Variants in BCAR3 observed in about 807,000 individuals in gnomAD.
BCAR3 encodes the protein breast cancer anti-estrogen resistance protein 3.
Under a neutral mutation model 80.1 loss-of-function variants are expected in BCAR3, and 37 were observed. That is an observed-to-expected ratio of 0.46 (90% CI 0.36 to 0.61). BCAR3 has a LOEUF of 0.61. Ranked by LOEUF, BCAR3 falls within the 20% of genes least tolerant of loss-of-function variation. The pLI is 0.00. For missense variants in BCAR3, 978 were observed against 1,068.2 expected (o/e 0.92, Z 1.18); for synonymous variants, 389 against 418.9 (o/e 0.93, Z 0.87).
intron 2 of BCAR3, among the ~76,000 whole-genome samples, chr1:93,821,268 T>C (rs1312154372): frequency 6.6e-6 from 1 of 152,078 alleles, no homozygotes; most frequent in Non-Finnish European, 1.5e-5. Flanking sequence ...GTTCAGAGAT[T>C]AGAGGACAGG....
intron 2 of BCAR3, among the ~76,000 whole-genome samples, chr1:93,712,867 T>C (rs1650072926): frequency 6.6e-6 from 1 of 152,212 alleles, no homozygotes; most frequent in Admixed American, 6.5e-5. Flanking sequence ...TTCACACCCT[T>C]CACTTGTTGC....
chr1:93,592,277 G>A lies in BCAR3; in HGVS notation c.474C>T (p.Arg158=). Residue 158 remains arginine, a synonymous_variant, in exon 4 of 12, where the codon CGC becomes CGT. Coordinates refer to ENST00000260502, the MANE Select transcript of BCAR3 (RefSeq NM_003567.4). The surrounding 1 kb of genome is among the most constrained non-coding windows in gnomAD (Gnocchi z 4.8). The stretch of plus-strand genomic sequence containing the variant: ...CAAGACCAGGTACCTGTCGGGGGAT[G>A]CGGCCGTGGTACCAGGCATGGCTGC... ...DLRSHAWYHG[R]IPRQVSENLV... is the part of the protein sequence containing the mutation. 1 of 1,613,386 alleles carries A rather than the reference G, an allele frequency of 6.2e-7. No individual in the cohort carries two copies. The highest frequency in any genetic ancestry group is 1.1e-5 in the South Asian group (1 of 91,076).
At chr1:93,802,127 C>CAA (rs112615765) in intron 2 of BCAR3, among the ~76,000 whole-genome samples, 6 of 114,404 alleles carry the variant, frequency 5.2e-5, no homozygotes, top group Non-Finnish European at 7.4e-5. Flanking sequence ...GACTCCATCT[C>CAA]AAAAAAAAAA....
At chr1:93,613,214 C>G (rs1675007319) in intron 3 of BCAR3, among the ~76,000 whole-genome samples, 1 of 152,204 alleles carries the variant, frequency 6.6e-6, no homozygotes, top group Non-Finnish European at 1.5e-5. Flanking sequence ...TAGTGCGTCA[C>G]AGGCAGGCAA....
intron 2 of BCAR3, among the ~76,000 whole-genome samples, chr1:93,809,519 G>A (rs1653757989): frequency 1.3e-5 from 2 of 152,084 alleles, no homozygotes; most frequent in Admixed American, 6.5e-5. Flanking sequence ...TGTAATCCCA[G>A]CACTTTGGGA....
chr1:93,564,173 C>T (rs1272039377), intron 11 of BCAR3, among the ~76,000 whole-genome samples: 2 of 152,052 alleles, frequency 1.3e-5, no homozygotes, highest in Admixed American at 6.5e-5. Context: ...TTTATCTTCT[C>T]ACTGAGTTGT....
Position 93,823,048 on chromosome 1 carries a change from G to A in BCAR3, c.-63+22519C>T, listed in dbSNP as rs1654282796. ...CTCCCTGCTGTAGATGCACAGGGAG[G>A]AGTGTCTCTCCTCCTGCTGAGTGCT... On this transcript the variant is annotated intron_variant, in intron 2 of 13. Transcript: ENST00000370244. Among the ~76,000 whole-genome samples, 3 of 133,176 alleles carry A rather than the reference G, an allele frequency of 2.3e-5. 1 individual carries two copies. The highest frequency in any genetic ancestry group is 3.0e-4 in the East Asian group (1 of 3,370). The allele number at this position is 133,176 out of a possible 152,430, so 87.4% of individuals were successfully genotyped here. A position where few individuals can be genotyped will look rare whatever the true frequency, so the allele number is the denominator to read the frequency against.
chr1:93,779,692 C>G (rs188226207), intron 2 of BCAR3, among the ~76,000 whole-genome samples: 363 of 152,234 alleles, frequency 2.4e-3, no homozygotes, highest in Non-Finnish European at 3.6e-3. Context: ...TTGCTTAGTG[C>G]GTAAGTTGTT....
At position 93,587,133 on chromosome 1, in the gene BCAR3, A is replaced by C. The variant is rs1024694517; in HGVS notation, c.929+1844T>G. 2.0e-5 allele frequency among the ~76,000 whole-genome samples: 3 copies of C among 152,192 alleles called. No individual in the cohort carries two copies. In the East Asian group the frequency reaches 5.8e-4, roughly 29 times the overall value. ...TCTCAAAAGAGCAAATCTTTTGCCC[A>C]TTTTAAAAATCAGATTATTAGAGTT... On this transcript the variant is annotated intron_variant, in intron 5 of 11. Coordinates refer to ENST00000260502, the MANE Select transcript of BCAR3 (RefSeq NM_003567.4).
At chr1:93,745,963 T>A (rs536254844) in intron 2 of BCAR3, among the ~76,000 whole-genome samples, 1 of 152,368 alleles carries the variant, frequency 6.6e-6, no homozygotes, top group African/African-American at 2.4e-5. Context: ...TTAGAACTCT[T>A]CAGAAGATAG....
chr1:93,809,321 G>A (rs1389235118), intron 2 of BCAR3, among the ~76,000 whole-genome samples: 1 of 151,488 alleles, frequency 6.6e-6, no homozygotes, highest in Non-Finnish European at 1.5e-5. Context: ...AACATCTTCT[G>A]TTGGAGGTAA....
chr1:93,781,394 G>C (rs1477399099), intron 2 of BCAR3, among the ~76,000 whole-genome samples: 3 of 152,146 alleles, frequency 2.0e-5, no homozygotes, highest in African/African-American at 7.2e-5. Flanking sequence ...TGCCAGAACA[G>C]CCATAAAGGA....
chr1:93,803,617 A>G (rs1403669499), intron 2 of BCAR3, among the ~76,000 whole-genome samples: 1 of 152,206 alleles, frequency 6.6e-6, no homozygotes, highest in Non-Finnish European at 1.5e-5. Flanking sequence ...GTCCCAGAGA[A>G]TGAGTCCTGG....
In BCAR3 at chr1:93,700,280, C is replaced by T. The variant is rs1439063670; in HGVS notation, c.-12+5812G>A. Among the ~76,000 whole-genome samples, 6 of 152,258 alleles carry T rather than the reference C, an allele frequency of 3.9e-5. No homozygotes were observed. In the South Asian group the frequency reaches 1.2e-3, roughly 32 times the overall value. ...TAATCTTGGCTCACTGCAGCCTCCT[C>T]CTCCTGAGCTCAAGCCATCCTCCCA... is the stretch of plus-strand genomic sequence containing the variant. On this transcript the variant is annotated intron_variant, in intron 3 of 13. Coordinates refer to the BCAR3 transcript ENST00000370244.
intron 2 of BCAR3, among the ~76,000 whole-genome samples, chr1:93,771,606 A>G (rs1652358072): frequency 1.3e-5 from 2 of 152,240 alleles, no homozygotes; most frequent in South Asian, 2.1e-4. Flanking sequence ...AAAATAAGTC[A>G]TAAGTTAGAA....
intron 2 of BCAR3, among the ~76,000 whole-genome samples, chr1:93,659,475 G>A (rs1401009794): frequency 5.3e-5 from 8 of 151,846 alleles, no homozygotes; most frequent in South Asian, 2.1e-4. Context: ...TTATAGGCAT[G>A]AGACACCATG....
At chr1:93,651,911 C>A (rs370545652) in intron 2 of BCAR3, among the ~76,000 whole-genome samples, 1 of 151,940 alleles carries the variant, frequency 6.6e-6, no homozygotes, top group Non-Finnish European at 1.5e-5. Flanking sequence ...GCATCCACAC[C>A]GGGTTCCCCA....
At chr1:93,714,568 G>A (rs1435229683) in intron 2 of BCAR3, among the ~76,000 whole-genome samples, 2 of 152,154 alleles carry the variant, frequency 1.3e-5, no homozygotes, top group African/African-American at 2.4e-5. Context: ...AATCCCTGAG[G>A]AATCTGAAGC....
At chr1:93,699,511 G>T (rs540258396) in intron 3 of BCAR3, among the ~76,000 whole-genome samples, 1 of 152,112 alleles carries the variant, frequency 6.6e-6, no homozygotes. Flanking sequence ...TTGCGGGGGC[G>T]GGGGTGGATG....
Sources: allele counts gnomAD v4.1 joint callset (sites outside exome capture counted in the v4.1 genomes callset), GRCh38; gene constraint gnomAD v4.1.1; non-coding constraint Gnocchi (gnomAD v3.1); transcripts MANE v1.5; gene names NCBI Gene and HGNC (gene_info 2026-07-23, HGNC 2026-07-21).